CCSER1: variants seen among roughly 807,000 people sequenced by gnomAD.
CCSER1 encodes serine-rich coiled-coil domain-containing protein 1.
A neutral mutation model predicts 82.0 loss-of-function variants in CCSER1; 41 were observed. The ratio of observed to expected loss-of-function variants is 0.50; its 90% confidence interval spans 0.39 to 0.65. CCSER1 has a LOEUF of 0.65. Ranked by LOEUF, CCSER1 falls within the 30% of genes least tolerant of loss-of-function variation. The pLI is 0.00. For synonymous variants in CCSER1, 414 were observed against 383.9 expected, an observed-to-expected ratio of 1.08 and a Z score of -0.92; for missense variants, 1,119 against 1,064.2, an observed-to-expected ratio of 1.05 and a Z score of -0.72.
intron 9 of CCSER1, chr4:90,951,387 G>A (rs1448641723): frequency 2.0e-5 from 3 of 152,052 alleles, no homozygotes; most frequent in African/African-American, 7.2e-5. Context: ...GAAGGAAAAT[G>A]TTGTGAAGGG....
chr4:90,918,369 T>G (rs1269987191), intron 8 of CCSER1: 3 of 411,894 alleles, frequency 7.3e-6, no homozygotes, highest in Admixed American at 2.9e-5. Flanking sequence ...ACTGATTTTT[T>G]GGGATTATTG....
intron 8 of CCSER1, among the ~76,000 whole-genome samples, chr4:90,823,762 T>G (rs1474891246): frequency 6.6e-6 from 1 of 151,936 alleles, no homozygotes; most frequent in African/African-American, 2.4e-5. Flanking sequence ...AAATGTTAAT[T>G]TTACTTTTAA....
At chr4:91,387,335 G>T (rs1026666707) in intron 10 of CCSER1, among the ~76,000 whole-genome samples, 1 of 151,944 alleles carries the variant, frequency 6.6e-6, no homozygotes, top group African/African-American at 2.4e-5. Flanking sequence ...TTTTCTGAAA[G>T]CTTGAAGAGA....
chr4:91,024,630 T>A (rs898761), intron 9 of CCSER1, among the ~76,000 whole-genome samples: 1 of 151,790 alleles, frequency 6.6e-6, no homozygotes, highest in Non-Finnish European at 1.5e-5. Context: ...ATAATCAATC[T>A]TAATCAACAG....
chr4:90,958,663 G>T (rs1411203672), intron 9 of CCSER1, among the ~76,000 whole-genome samples: 1 of 151,916 alleles, frequency 6.6e-6, no homozygotes, highest in South Asian at 2.1e-4. Flanking sequence ...AGCTCATGAG[G>T]GTGGAATTCT....
At position 90,615,078 on chromosome 4, in the gene CCSER1, A is replaced by C. The variant is rs575872035; in HGVS notation, c.1725-12947A>C. 4.1e-4 allele frequency among the ~76,000 whole-genome samples: 62 copies of C among 152,358 alleles called. 1 individual carries two copies. The highest frequency in any genetic ancestry group is 1.5e-3 in the African/African-American group (62 of 41,588). Reference sequence around the variant, plus strand: ...CAATTAATGAAGCAACGAAGCATAGATGACAACACATCTGATTACAACATG... The same window carrying C: ...CAATTAATGAAGCAACGAAGCATAGCTGACAACACATCTGATTACAACATG... On this transcript the variant is annotated intron_variant, in intron 5 of 10. Coordinates refer to ENST00000509176, the MANE Select transcript of CCSER1 (RefSeq NM_001145065.2).
intron 9 of CCSER1, among the ~76,000 whole-genome samples, chr4:91,003,539 A>G (rs1738232285): frequency 6.6e-6 from 1 of 152,122 alleles, no homozygotes; most frequent in Non-Finnish European, 1.5e-5. Flanking sequence ...CCCAGCACCC[A>G]CGCAACCCAA....
intron 10 of CCSER1, among the ~76,000 whole-genome samples, chr4:91,484,099 A>G (rs529924387): frequency 1.7e-4 from 26 of 151,528 alleles, no homozygotes; most frequent in African/African-American, 6.0e-4. Context: ...AATAGTATAC[A>G]TGATTCAGTT....
At chr4:90,897,280 C>T (rs1723855103) in intron 8 of CCSER1, among the ~76,000 whole-genome samples, 1 of 151,818 alleles carries the variant, frequency 6.6e-6, no homozygotes, top group African/African-American at 2.4e-5. Context: ...CCCTCAACTC[C>T]CTCTCATAAC....
At chr4:91,083,946 G>A (rs999000791) in intron 9 of CCSER1, among the ~76,000 whole-genome samples, 4 of 152,138 alleles carry the variant, frequency 2.6e-5, no homozygotes, top group Admixed American at 2.6e-4. Context: ...GTTTAAAGAT[G>A]TAAGGCCAAT....
At chr4:90,308,129 G>T in intron 1 of CCSER1, 115 bp from the exon 2 acceptor site, 2 of 762,430 alleles carry the variant, frequency 2.6e-6, no homozygotes, top group Non-Finnish European at 3.8e-6. Flanking sequence ...GTTATTTATC[G>T]TCTTAGTATA....
chr4:90,856,977 T>G (rs1764534350), intron 8 of CCSER1, among the ~76,000 whole-genome samples: 1 of 151,900 alleles, frequency 6.6e-6, no homozygotes, highest in Non-Finnish European at 1.5e-5. Context: ...TCTTAGACTT[T>G]TTTTGTTTTT....
intron 7 of CCSER1, among the ~76,000 whole-genome samples, chr4:90,778,585 A>G (rs1469287287): frequency 1.3e-5 from 2 of 151,478 alleles, no homozygotes; most frequent in African/African-American, 4.8e-5. Context: ...AAAAAAATCT[A>G]TCATTCTGCA....
At chr4:90,198,876 G>C (rs978091712) in intron 1 of CCSER1, among the ~76,000 whole-genome samples, 1 of 151,872 alleles carries the variant, frequency 6.6e-6, no homozygotes, top group Admixed American at 6.6e-5. Context: ...AAACTTTTTA[G>C]ATTATTCAAA....
At chr4:91,340,222 T>G (rs969619762) in intron 10 of CCSER1, among the ~76,000 whole-genome samples, 3 of 152,194 alleles carry the variant, frequency 2.0e-5, no homozygotes, top group Non-Finnish European at 4.4e-5. Flanking sequence ...TTAAAAGTTA[T>G]GTGAATGTGG....
At chr4:91,369,413 T>G (rs1210658931) in intron 10 of CCSER1, among the ~76,000 whole-genome samples, 2 of 152,212 alleles carry the variant, frequency 1.3e-5, no homozygotes, top group African/African-American at 4.8e-5. Context: ...AGTAATATAA[T>G]TCTCATTTTT....
At chr4:90,487,151 A>C (rs1767232048) in intron 5 of CCSER1, among the ~76,000 whole-genome samples, 2 of 152,154 alleles carry the variant, frequency 1.3e-5, no homozygotes, top group African/African-American at 4.8e-5. Flanking sequence ...ACCTCAGGTG[A>C]TCCACCTGCC....
intron 9 of CCSER1, among the ~76,000 whole-genome samples, chr4:90,946,687 T>G (rs1461007161): frequency 6.6e-6 from 1 of 151,506 alleles, no homozygotes; most frequent in East Asian, 1.9e-4. Context: ...AACATGAAAT[T>G]CTTAAGGCTG....
Position 90,665,446 on chromosome 4 carries a change from T to C in CCSER1, c.1932+37214T>C, listed in dbSNP as rs552065791. Among the ~76,000 whole-genome samples, 7 of 152,064 alleles carry C rather than the reference T, an allele frequency of 4.6e-5. No individual in the cohort carries two copies. The South Asian group carries it at 1.2e-3, about 27-fold the overall frequency. On this transcript the variant is annotated intron_variant, in intron 6 of 10. Coordinates refer to ENST00000509176, the MANE Select transcript of CCSER1 (RefSeq NM_001145065.2). ...ACGCCATTCTCCTGCCTCAGCCTCC[T>C]GAGTAGCTGGGACTACAGGCACCCG... is the stretch of plus-strand genomic sequence containing the variant.
Sources: allele counts gnomAD v4.1 joint callset (sites outside exome capture counted in the v4.1 genomes callset), GRCh38; gene constraint gnomAD v4.1.1; transcripts MANE v1.5; gene names NCBI Gene and HGNC (gene_info 2026-07-23, HGNC 2026-07-21).